Variants in TERT observed in about 807,000 individuals in gnomAD.
TERT encodes telomerase catalytic subunit.
A neutral mutation model predicts 104.0 loss-of-function variants in TERT; 42 were observed. The observed-to-expected ratio is 0.40, with a 90% CI of 0.32 to 0.52. The LOEUF (loss-of-function observed/expected upper bound fraction) is 0.52. Ranked by LOEUF, TERT falls within the 20% of genes least tolerant of loss-of-function variation. The probability of loss-of-function intolerance (pLI) is 0.43; values close to 1 mark genes in which losing one functional copy is unlikely to be tolerated. For missense variants in TERT, 1,101 were observed against 1,610.3 expected (o/e 0.68, Z 5.41); for synonymous variants, 781 against 725.6 (o/e 1.08, Z -1.23).
chr5:1,281,713 G>A (rs965035124), intron 3 of TERT, among the ~76,000 whole-genome samples: 10 of 152,218 alleles, frequency 6.6e-5, no homozygotes, highest in African/African-American at 1.9e-4. Flanking sequence ...TCCCTGCAGT[G>A]AGTCGCCAAG....
chr5:1,260,416 A>C, intron 12 of TERT, 58 bp downstream of exon 12: 1 of 1,610,922 alleles, frequency 6.2e-7, no homozygotes, highest in Non-Finnish European at 8.5e-7. Context: ...ACACACACAC[A>C]TACTTGCGCA....
intron 8 of TERT, 48 bp downstream of exon 8, chr5:1,271,071 G>A (rs773595720): frequency 6.7e-6 from 10 of 1,484,446 alleles, no homozygotes; most frequent in South Asian, 2.3e-5. Context: ...AGCCCTGCCA[G>A]CCCGCCCAGC....
rs1463571669 is a variant in TERT, at chr5:1,270,814, G to T, written c.2468+305C>A. Among the ~76,000 whole-genome samples, 1 of 152,226 alleles carries T rather than the reference G, an allele frequency of 6.6e-6. No individual in the cohort carries two copies. The highest frequency in any genetic ancestry group is 2.4e-5 in the African/African-American group (1 of 41,466). Reference sequence around the variant, plus strand: ...GACAAGCTGCAGGCTCAAACGCTCGGCGCACACCTGACCCAGACACACCCC... The same window carrying T: ...GACAAGCTGCAGGCTCAAACGCTCGTCGCACACCTGACCCAGACACACCCC... On this transcript the variant is annotated intron_variant, in intron 8 of 15. Transcript: ENST00000310581. The surrounding 1 kb of genome is among the most constrained non-coding windows in gnomAD (Gnocchi z 8.3).
At position 1,271,136 on chromosome 5, in the gene TERT, G is replaced by T; in HGVS notation, c.2451C>A (p.Ala817=). The change falls in exon 8 of 16, where the codon GCC becomes GCA. Residue 817 remains alanine, a synonymous_variant. Coordinates refer to ENST00000310581, the MANE Select transcript of TERT (RefSeq NM_198253.3). ...TGACTCACTTGCCCCTGATGCGCAC[G>T]GCGTGGTGGCACATGAAGCGTAGGA... ...DVFLRFMCHH[A]VRIRGKSYVQ... is the part of the protein sequence containing the mutation. 2.5e-6 allele frequency: 4 copies of T among 1,613,034 alleles called. No individual in the cohort carries two copies. The highest frequency in any genetic ancestry group is 3.4e-6 in the Non-Finnish European group (4 of 1,179,988).
chr5:1,287,514 T>A lies in TERT; in HGVS notation c.1574-4890A>T, dbSNP rs1020926611. 0.012 allele frequency among the ~76,000 whole-genome samples: 1,684 copies of A among 140,800 alleles called. 32 individuals are homozygous for A. Among genetic ancestry groups the A allele is most frequent in the African/African-American group, 0.041 (1,571 of 38,728 alleles). The allele number at this position is 140,800 out of a possible 152,430, so 92.4% of individuals were successfully genotyped here. ...CTCTGTCTCAAAAAAAAAAAATATA[T>A]ATATATATATATAAATTAAAGGCAG... On this transcript the variant is annotated intron_variant, in intron 2 of 15. Coordinates refer to ENST00000310581, the MANE Select transcript of TERT (RefSeq NM_198253.3). The surrounding 1 kb of genome is among the most constrained non-coding windows in gnomAD (Gnocchi z 4.3).
At chr5:1,277,954 T>A (rs1186470481) in intron 6 of TERT, among the ~76,000 whole-genome samples, 1 of 152,164 alleles carries the variant, frequency 6.6e-6, no homozygotes, top group African/African-American at 2.4e-5. Flanking sequence ...CTTTCACCCC[T>A]GCCGAGCCCC....
chr5:1,291,095 G>A (rs1750898267), intron 2 of TERT, among the ~76,000 whole-genome samples: 1 of 136,042 alleles, frequency 7.4e-6, no homozygotes, highest in Non-Finnish European at 1.6e-5. Context: ...GGGACACCTG[G>A]GGACCGCGCC....
rs1393044307 is a variant in TERT at position 1,273,784 on chromosome 5, GTGACCA to G, written c.2287-1510_2287-1505del. 1.1e-4 allele frequency among the ~76,000 whole-genome samples: 2 copies of G among 18,560 alleles called. 1 individual carries two copies. The highest frequency in any genetic ancestry group is 1.2e-3 in the African/African-American group (2 of 1,720). The allele number at this position is 18,560 out of a possible 152,430, so 12.2% of individuals were successfully genotyped here. A position where few individuals can be genotyped will look rare whatever the true frequency, so the allele number is the denominator to read the frequency against. On this transcript the variant is annotated intron_variant, in intron 6 of 15. Coordinates refer to ENST00000310581, the MANE Select transcript of TERT (RefSeq NM_198253.3). Reference sequence around the variant, plus strand: ...CACAGTCACCACACATCAGACCCCTGTGACCAACCGCCATCCACAGTCACCACACAT... The same window carrying G: ...CACAGTCACCACACATCAGACCCCTGACCGCCATCCACAGTCACCACACAT...
Position 1,254,468 on chromosome 5 carries a change from C to A in TERT, c.3195G>T (p.Leu1065=). ...SLGAKGAAGP[L]PSEAVQWLCH... ...ACAGCCACTGCACGGCCTCGGAGGGCAGAGGGCCGGCGGCGCCCTTGGCCC... is the reference window on the plus strand; with the variant it reads ...ACAGCCACTGCACGGCCTCGGAGGGAAGAGGGCCGGCGGCGCCCTTGGCCC... Residue 1065 remains leucine (L), a synonymous_variant, in exon 15 of 16, where the codon CTG becomes CTT. Coordinates refer to ENST00000310581, the MANE Select transcript of TERT (RefSeq NM_198253.3). 6.2e-7 allele frequency: 1 copy of A among 1,612,906 alleles called. No homozygotes were observed. The highest frequency in any genetic ancestry group is 8.5e-7 in the Non-Finnish European group (1 of 1,179,918).
intron 10 of TERT, among the ~76,000 whole-genome samples, chr5:1,266,259 C>T (rs914144814): frequency 6.6e-6 from 1 of 152,254 alleles, no homozygotes; most frequent in Admixed American, 6.5e-5. Flanking sequence ...AGGGCCTGCA[C>T]GGTACCCACT....
intron 11 of TERT, 138 bp from the exon 12 acceptor site, chr5:1,260,738 G>A: frequency 8.0e-7 from 1 of 1,252,814 alleles, no homozygotes; most frequent in Non-Finnish European, 1.1e-6. Context: ...GCCCGAGGGG[G>A]CTGGGTGCTC....
At chr5:1,258,009 A>T (rs938383143) in intron 13 of TERT, among the ~76,000 whole-genome samples, 1 of 152,174 alleles carries the variant, frequency 6.6e-6, no homozygotes, top group Admixed American at 6.5e-5. Flanking sequence ...GCCTCCACAG[A>T]TTGGCCCTTC....
intron 7 of TERT, 46 bp from the exon 8 acceptor site, chr5:1,271,250 T>G: frequency 3.4e-6 from 5 of 1,452,616 alleles, no homozygotes; most frequent in Non-Finnish European, 3.9e-6. Flanking sequence ...CGGTGGGTGC[T>G]GAGACAGGCA....
chr5:1,294,547 C>T lies in TERT; in HGVS notation c.339G>A (p.Glu113=), dbSNP rs757141480. 13 of 1,579,320 alleles carry T rather than the reference C, an allele frequency of 8.2e-6. No individual in the cohort carries two copies. The South Asian group carries it at 1.2e-4, about 15-fold the overall frequency. ...LLDGARGGPP[E]AFTTSVRSYL... is the part of the protein sequence containing the mutation. ...AGCTGCGCACGCTGGTGGTGAAGGC[C>T]TCGGGGGGGCCCCCGCGGGCCCCGT... The change falls in exon 2 of 16, where the codon GAG becomes GAA. Residue 113 remains glutamate (E), a synonymous_variant. Transcript: ENST00000310581.
At chr5:1,291,916 A>G (rs573034037) in intron 2 of TERT, among the ~76,000 whole-genome samples, 6 of 152,344 alleles carry the variant, frequency 3.9e-5, no homozygotes, top group East Asian at 1.9e-4. Context: ...ACTGGGTTGC[A>G]TGACGCTTAT....
rs35092866 is a variant in TERT at position 1,258,552 on chromosome 5, G to A, written c.3032+46C>T. The A allele has an allele frequency of 6.7e-3, 10,310 of 1,535,312 alleles. 39 individuals carry two copies. Among genetic ancestry groups the A allele is most frequent in the East Asian group, 0.019 (797 of 41,130 alleles). ...CCCGGGTCAGAGGTGAGCAGAGCGC[G>A]GAGGGTCCCTGGAGGCTGGGCCTGC... is the stretch of plus-strand genomic sequence containing the variant. On this transcript the variant is annotated intron_variant, in intron 13 of 15. Transcript: ENST00000310581.
In TERT at chr5:1,286,897, A is replaced by G. The variant is rs1750530024; in HGVS notation, c.1574-4273T>C. Among the ~76,000 whole-genome samples the G allele has an allele frequency of 6.6e-6, 1 of 152,108 alleles. No individual in the cohort carries two copies. The highest frequency in any genetic ancestry group is 1.5e-5 in the Non-Finnish European group (1 of 68,022). On this transcript the variant is annotated intron_variant, in intron 2 of 15. Coordinates refer to ENST00000310581, the MANE Select transcript of TERT (RefSeq NM_198253.3). The surrounding 1 kb of genome is among the most constrained non-coding windows in gnomAD (Gnocchi z 5.3). Reference sequence around the variant, plus strand: ...TCTCAATAAACAAAAGCAAACAACGACAATAAAAAGATCAGGGGGTAACAC... The same window carrying G: ...TCTCAATAAACAAAAGCAAACAACGGCAATAAAAAGATCAGGGGGTAACAC...
rs1748494224 is a variant in TERT at position 1,265,065 on chromosome 5, G to A, written c.2655-473C>T. Among the ~76,000 whole-genome samples the A allele has an allele frequency of 6.6e-6, 1 of 152,230 alleles. No homozygotes were observed. The highest frequency in any genetic ancestry group is 2.4e-5 in the African/African-American group (1 of 41,458). On this transcript the variant is annotated intron_variant, in intron 10 of 15. Transcript: ENST00000310581. The surrounding 1 kb of genome is among the most constrained non-coding windows in gnomAD (Gnocchi z 6.9). ...TCTGCTGTGCTTTAGACAAAGGGGA[G>A]GGTTCTGAGTTCCTGCTCAGGCGCG...
At chr5:1,272,373 C>T (rs112858859) in intron 6 of TERT, 93 bp from the exon 7 acceptor site, 71 of 1,114,916 alleles carry the variant, frequency 6.4e-5, no homozygotes, top group African/African-American at 5.3e-4. Flanking sequence ...TGTGGACCTG[C>T]GGCCAAGCCC....
Sources: allele counts gnomAD v4.1 joint callset (sites outside exome capture counted in the v4.1 genomes callset), GRCh38; gene constraint gnomAD v4.1.1; non-coding constraint Gnocchi (gnomAD v3.1); transcripts MANE v1.5; gene names NCBI Gene and HGNC (gene_info 2026-07-23, HGNC 2026-07-21).